BAHD1: variants seen among roughly 807,000 people sequenced by gnomAD.
The protein encoded by BAHD1 is bromo adjacent homology domain-containing 1 protein.
In BAHD1, 20 loss-of-function variants were observed where a neutral mutation model predicts 63.1. The ratio of observed to expected loss-of-function variants is 0.32; its 90% confidence interval spans 0.22 to 0.46. The LOEUF is 0.46. Ranked by LOEUF, BAHD1 falls within the 20% of genes least tolerant of loss-of-function variation. The pLI is 1.00. For missense variants in BAHD1, 939 were observed against 1,071.8 expected, an observed-to-expected ratio of 0.88 and a Z score of 1.73; for synonymous variants, 408 against 426.8, an observed-to-expected ratio of 0.96 and a Z score of 0.54.
rs1181611569 is a variant in BAHD1, at chr15:40,461,912, A to G, written c.1433A>G (p.Glu478Gly). ...CCTGACCACTCTCTCCCTTTCCTAG[A>G]AGGCTGCAGATCCCTGGGCCAGTTG... is the stretch of plus-strand genomic sequence containing the variant. ...GCPYKMPFAA[E>G]GCRSLGQLEF... Residue 478 changes from glutamate (E) to glycine (G), a missense_variant and splice_region_variant, in exon 3 of 7, where the codon GAA becomes GGA. By Grantham distance (98) the Glu-to-Gly change is moderately conservative. Around this residue, in one of 5 missense-constraint regions of BAHD1, gnomAD observed 797 missense variants for 813.3 expected, o/e 0.98. Transcript: ENST00000416165. 6.3e-7 allele frequency: 1 copy of G among 1,589,542 alleles called. No individual in the cohort carries two copies. Among genetic ancestry groups the G allele is most frequent in the South Asian group, 1.1e-5 (1 of 87,954 alleles).
intron 3 of BAHD1, 55 bp from the exon 4 acceptor site, chr15:40,463,806 C>T: frequency 6.3e-7 from 1 of 1,595,794 alleles, no homozygotes; most frequent in Non-Finnish European, 8.6e-7. Flanking sequence ...CTCTCTCTGT[C>T]CTTACTCTGA....
intron 3 of BAHD1, among the ~76,000 whole-genome samples, chr15:40,463,413 C>T (rs1045641853): frequency 3.9e-5 from 6 of 152,212 alleles, no homozygotes; most frequent in Non-Finnish European, 8.8e-5. Flanking sequence ...TCACCACTAC[C>T]CTATGTGGTA....
chr15:40,447,607 T>TAAATAAATAAATAA (rs1454497799), intron 1 of BAHD1, among the ~76,000 whole-genome samples: 2 of 136,958 alleles, frequency 1.5e-5, no homozygotes, highest in Non-Finnish European at 3.2e-5. Flanking sequence ...AATAAATAAA[T>TAAATAAATAAATAA]AAATAAAAAT....
chr15:40,451,101 G>A (rs921938922), intron 1 of BAHD1, among the ~76,000 whole-genome samples: 9 of 121,800 alleles, frequency 7.4e-5, no homozygotes, highest in Admixed American at 2.3e-4. Flanking sequence ...CCGAGATCAC[G>A]CCATTGCACT....
chr15:40,458,933 C>G lies in BAHD1; in HGVS notation c.469C>G (p.Arg157Gly), dbSNP rs750392067. Residue 157 changes from arginine (R) to glycine (G), a missense_variant, in exon 2 of 7, where the codon CGT becomes GGT. Transcript: ENST00000416165. The surrounding 1 kb of genome is among the most constrained non-coding windows in gnomAD (Gnocchi z 4.7). ...AGGGGATCCCCACCGCAGCCGTGAC[C>G]GTGATCGTGCTACTGGGGGCTGGTC... ...RAGDPHRSRD[R>G]DRATGGWSSS... The G allele has an allele frequency of 6.3e-7, 1 of 1,594,768 alleles. No individual in the cohort carries two copies.
intron 2 of BAHD1, 150 bp from the exon 3 acceptor site, chr15:40,461,762 C>T (rs1894048770): frequency 5.7e-6 from 5 of 883,370 alleles, no homozygotes; most frequent in Non-Finnish European, 6.6e-6. Context: ...GTCACTCTGA[C>T]AGTCCACCAT....
chr15:40,464,238 G>A, intron 4 of BAHD1: 2 of 666,118 alleles, frequency 3.0e-6, no homozygotes, highest in South Asian at 1.9e-5. Context: ...CCAGCCAGCA[G>A]AGCCTGGGCA....
chr15:40,445,400 C>G (rs1893513284), intron 1 of BAHD1, among the ~76,000 whole-genome samples: 1 of 152,082 alleles, frequency 6.6e-6, no homozygotes, highest in African/African-American at 2.4e-5. Context: ...AATTGGAGTT[C>G]TATGGGGAAT....
chr15:40,463,322 A>G (rs985359948), intron 3 of BAHD1, among the ~76,000 whole-genome samples: 1 of 152,220 alleles, frequency 6.6e-6, no homozygotes, highest in African/African-American at 2.4e-5. Flanking sequence ...AAATAAATAC[A>G]TAAATACATA....
chr15:40,456,387 C>G (rs929484810), intron 1 of BAHD1, among the ~76,000 whole-genome samples: 3 of 152,194 alleles, frequency 2.0e-5, no homozygotes, highest in African/African-American at 7.2e-5. Flanking sequence ...GAGCTCTCCA[C>G]CTGTGCTTCA....
chr15:40,443,171 CA>C (rs1218034193), intron 1 of BAHD1: 3 of 766,300 alleles, frequency 3.9e-6, no homozygotes, highest in Non-Finnish European at 4.8e-6. Context: ...AAGCCGCTCT[CA>C]ACTGTGGTTG....
At chr15:40,464,442 A>G in intron 4 of BAHD1, 29 bp from the exon 5 acceptor site, 2 of 1,598,518 alleles carry the variant, frequency 1.3e-6, no homozygotes, top group Non-Finnish European at 1.7e-6. Context: ...TTGCCAGTTC[A>G]AGCCATAACC....
At position 40,458,305 on chromosome 15, in the gene BAHD1, G is replaced by T. The variant is rs1893908136; in HGVS notation, c.-14-146G>T. 1 of 1,055,442 alleles carries T rather than the reference G, an allele frequency of 9.5e-7. No homozygotes were observed. Among genetic ancestry groups the T allele is most frequent in the East Asian group, 2.7e-5 (1 of 37,602 alleles). 65.4% of individuals were successfully genotyped at this position (1,055,442 alleles called of 1,614,324 possible). A position where few individuals can be genotyped will look rare whatever the true frequency, so the allele number is the denominator to read the frequency against. On this transcript the variant is annotated intron_variant, in intron 1 of 6. Transcript: ENST00000416165. This position sits in a 1 kb window ranked among gnomAD's most constrained non-coding sequence, Gnocchi z 4.7. ...CACTGCCCCTTCACACTCTGGAAAG[G>T]GAGTCCCAGGAAAATCCATACTGGA... is the stretch of plus-strand genomic sequence containing the variant.
intron 5 of BAHD1, chr15:40,464,967 G>C: frequency 2.7e-6 from 1 of 374,964 alleles, no homozygotes; most frequent in Non-Finnish European, 4.9e-6. Context: ...TAAAAGAGGT[G>C]ACTGCCATCT....
chr15:40,464,375 G>A, intron 4 of BAHD1, 96 bp from the exon 5 acceptor site: 3 of 1,089,578 alleles, frequency 2.8e-6, no homozygotes, highest in Non-Finnish European at 4.1e-6. Context: ...CAGGATTGAG[G>A]TTGGATGAAC....
intron 1 of BAHD1, among the ~76,000 whole-genome samples, chr15:40,448,970 A>T (rs1453780803): frequency 1.3e-5 from 2 of 150,836 alleles, no homozygotes; most frequent in Non-Finnish European, 2.9e-5. Context: ...ACGCCCAGCT[A>T]ATTTTTGTAT....
rs894084469 is a variant in BAHD1, at chr15:40,458,987, G to T, written c.523G>T (p.Asp175Tyr). Residue 175 changes from aspartate (D) to tyrosine (Y), a missense_variant, in exon 2 of 7, where the codon GAC becomes TAC. By Grantham distance (160) the Asp-to-Tyr change is radical (BLOSUM62 -3). Around this residue, in one of 5 missense-constraint regions of BAHD1, gnomAD observed 797 missense variants for 813.3 expected, o/e 0.98. Transcript: ENST00000416165. The surrounding 1 kb of genome is among the most constrained non-coding windows in gnomAD (Gnocchi z 4.7). ...SSSKKRPRLG[D>Y]LGGGSRDLSP... ...CTCCAAGAAGCGGCCCCGGCTGGGG[G>T]ACCTTGGAGGAGGAAGTCGGGACCT... is the stretch of plus-strand genomic sequence containing the variant. The T allele has an allele frequency of 3.2e-6, 5 of 1,583,648 alleles. No homozygotes were observed. The African/African-American group carries it at 6.7e-5, about 21-fold the overall frequency.
intron 1 of BAHD1, among the ~76,000 whole-genome samples, chr15:40,443,852 C>T (rs1313173035): frequency 1.3e-5 from 2 of 152,158 alleles, no homozygotes; most frequent in Non-Finnish European, 2.9e-5. Flanking sequence ...TGACCCTAGA[C>T]AGTGTCCCCT....
chr15:40,447,752 C>A (rs927649854), intron 1 of BAHD1, among the ~76,000 whole-genome samples: 5 of 151,986 alleles, frequency 3.3e-5, no homozygotes, highest in Admixed American at 3.3e-4. Flanking sequence ...AGCATGATGA[C>A]CAGTTTTTAG....
Sources: gnomAD v4.1 joint callset for allele counts (sites outside exome capture counted in the v4.1 genomes callset) on GRCh38, gnomAD v4.1.1 for gene constraint, gnomAD v4.1.1 regional missense constraint, Gnocchi (gnomAD v3.1) non-coding constraint, MANE v1.5 for transcripts, NCBI Gene and HGNC (gene_info 2026-07-23, HGNC 2026-07-21) for gene names.